The following DSE variants were observed in gnomAD, a reference collection of about 807,000 sequenced individuals.
DSE encodes the protein dermatan-sulfate epimerase.
Under a neutral mutation model 84.4 loss-of-function variants are expected in DSE, and 36 were observed. That is an observed-to-expected ratio of 0.43 (90% CI 0.33 to 0.56). The LOEUF is 0.56. Ranked by LOEUF, DSE falls within the 20% of genes least tolerant of loss-of-function variation. The pLI is 0.06. For missense variants in DSE, 862 were observed against 1,169.6 expected (o/e 0.74, Z 3.84); for synonymous variants, 410 against 430.1 (o/e 0.95, Z 0.58).
At position 116,433,636 on chromosome 6, in the gene DSE, G is replaced by T. The variant is rs938375032; in HGVS notation, c.1118+86G>T. 8 of 1,387,976 alleles carry T rather than the reference G, an allele frequency of 5.8e-6. No individual in the cohort carries two copies. In the African/African-American group the frequency reaches 1.0e-4, roughly 18 times the overall value. 86.0% of individuals were successfully genotyped at this position (1,387,976 alleles called of 1,614,324 possible). On this transcript the variant is annotated intron_variant, in intron 5 of 5. Coordinates refer to ENST00000644252, the MANE Select transcript of DSE (RefSeq NM_013352.4). ...GCACTTGTTTTTTTGCATTTAAAAA[G>T]AAAAACTAAAACACTTTTTAAATCT...
chr6:116,409,225 C>T lies in DSE; in HGVS notation c.416+9559C>T, dbSNP rs948792863. On this transcript the variant is annotated intron_variant, in intron 2 of 5. Transcript: ENST00000644252. Reference sequence around the variant, plus strand: ...GATGCCAAAGGCAATTTTCATTTATCGATAAATGTATGCACATATTCACTT... The same window carrying T: ...GATGCCAAAGGCAATTTTCATTTATTGATAAATGTATGCACATATTCACTT... 2.2e-4 allele frequency among the ~76,000 whole-genome samples: 33 copies of T among 152,156 alleles called. 1 individual carries two copies. Among genetic ancestry groups the T allele is most frequent in the African/African-American group, 7.2e-4 (30 of 41,432 alleles).
intron 1 of DSE, among the ~76,000 whole-genome samples, chr6:116,395,526 ATAGT>A (rs1781197552): frequency 6.6e-6 from 1 of 152,210 alleles, no homozygotes; most frequent in South Asian, 2.1e-4. Flanking sequence ...CTCTCAAACT[ATAGT>A]TATTCAGGTA....
intron 2 of DSE, chr6:116,279,457 A>C: frequency 6.2e-7 from 1 of 1,613,100 alleles, no homozygotes; most frequent in Non-Finnish European, 8.5e-7. Flanking sequence ...TCCACCCTGA[A>C]CGCCCTTTTT....
chr6:116,289,636 A>G (rs1338805160), intron 2 of DSE, among the ~76,000 whole-genome samples: 1 of 152,068 alleles, frequency 6.6e-6, no homozygotes, highest in Non-Finnish European at 1.5e-5. Context: ...GATAAAAAAA[A>G]TAAAAATAAT....
intron 1 of DSE, among the ~76,000 whole-genome samples, chr6:116,398,349 A>G (rs1010297449): frequency 1.3e-5 from 2 of 152,240 alleles, no homozygotes; most frequent in African/African-American, 4.8e-5. Flanking sequence ...AAAATCAAGT[A>G]GTTAAGAAAA....
At chr6:116,315,031 G>A (rs1371582147) in intron 2 of DSE, among the ~76,000 whole-genome samples, 1 of 152,156 alleles carries the variant, frequency 6.6e-6, no homozygotes, top group Non-Finnish European at 1.5e-5. Context: ...TGAAATTCTT[G>A]TAGGAGGAAG....
At chr6:116,286,543 C>CT (rs942695578) in intron 2 of DSE, among the ~76,000 whole-genome samples, 3 of 152,124 alleles carry the variant, frequency 2.0e-5, no homozygotes, top group African/African-American at 7.2e-5. Flanking sequence ...AGAGTCTTTA[C>CT]TTTCCTTAAA....
chr6:116,346,227 C>A (rs566854130), intron 2 of DSE, among the ~76,000 whole-genome samples: 1 of 152,286 alleles, frequency 6.6e-6, no homozygotes, highest in East Asian at 1.9e-4. Context: ...TGAAACTATT[C>A]CAATCAATAG....
chr6:116,349,393 C>G (rs1778184501), intron 2 of DSE, among the ~76,000 whole-genome samples: 2 of 152,194 alleles, frequency 1.3e-5, no homozygotes, highest in South Asian at 2.1e-4. Context: ...CAGGTGCTTT[C>G]AAGCTGACTC....
intron 2 of DSE, among the ~76,000 whole-genome samples, chr6:116,347,996 G>A (rs576630947): frequency 1.9e-4 from 29 of 152,318 alleles, no homozygotes; most frequent in African/African-American, 6.7e-4. Context: ...GATGTGAACA[G>A]ACACTTCTCA....
intron 2 of DSE, among the ~76,000 whole-genome samples, chr6:116,317,086 G>C (rs1055922528): frequency 2.0e-5 from 3 of 152,172 alleles, no homozygotes; most frequent in African/African-American, 7.2e-5. Flanking sequence ...GATAGAAAGA[G>C]AAGGGGAAGA....
At chr6:116,380,331 A>G (rs1444966554) in intron 1 of DSE, among the ~76,000 whole-genome samples, 2 of 152,140 alleles carry the variant, frequency 1.3e-5, no homozygotes, top group African/African-American at 4.8e-5. Context: ...GAGGAGCTAT[A>G]AAATCTGGTT....
In DSE at chr6:116,415,364, A is replaced by G. The variant is rs144332866; in HGVS notation, c.417-11210A>G. Among the ~76,000 whole-genome samples, 87 of 152,242 alleles carry G rather than the reference A, an allele frequency of 5.7e-4. No homozygotes were observed. In the East Asian group the frequency reaches 0.015, roughly 26 times the overall value. On this transcript the variant is annotated intron_variant, in intron 2 of 5. Coordinates refer to ENST00000644252, the MANE Select transcript of DSE (RefSeq NM_013352.4). ...CCTGATATTCCACTCTGAAGCATAT[A>G]GGATCTTTTTTATGTTACTAGTGTT...
intron 1 of DSE, among the ~76,000 whole-genome samples, chr6:116,380,589 G>A (rs977689554): frequency 3.3e-5 from 5 of 152,140 alleles, no homozygotes; most frequent in Admixed American, 2.6e-4. Flanking sequence ...GAACTTCAGG[G>A]AAAAGTCATG....
In DSE at chr6:116,392,352, G is replaced by A. The variant is rs560776751; in HGVS notation, c.-53-6846G>A. ...CAACATCTGTCTGTTTTCCACGGGA[G>A]AGGGTGCAACGTCAGGAACATTCAT... is the stretch of plus-strand genomic sequence containing the variant. On this transcript the variant is annotated intron_variant, in intron 1 of 5. Coordinates refer to ENST00000644252, the MANE Select transcript of DSE (RefSeq NM_013352.4). Among the ~76,000 whole-genome samples, 5 of 152,326 alleles carry A rather than the reference G, an allele frequency of 3.3e-5. No homozygotes were observed. The South Asian group carries it at 8.3e-4, about 25-fold the overall frequency.
rs1450266203 is a variant in DSE, at chr6:116,437,977, TTATC to T, written c.*636_*639del. ...TAAAATATATTTTATTAGAAAACAT[TTATC>T]TATGAATGAATATTTCCTTGATGCT... On this transcript the variant is annotated 3_prime_UTR_variant, in exon 6 of 6. Transcript: ENST00000644252. 6.6e-6 allele frequency: 1 copy of T among 152,530 alleles called. No individual in the cohort carries two copies. The highest frequency in any genetic ancestry group is 2.4e-5 in the African/African-American group (1 of 41,442). The allele number at this position is 152,530 out of a possible 1,614,324, so 9.4% of individuals were successfully genotyped here.
intron 1 of DSE, 120 bp downstream of exon 1, chr6:116,371,241 C>G (rs1311565516): frequency 6.1e-6 from 6 of 978,934 alleles, no homozygotes; most frequent in South Asian, 4.7e-5. Context: ...AGCCACGTCC[C>G]CGGCTGAGAG....
chr6:116,362,678 T>C (rs757886390), intron 2 of DSE, among the ~76,000 whole-genome samples: 3 of 152,216 alleles, frequency 2.0e-5, no homozygotes, highest in Non-Finnish European at 4.4e-5. Flanking sequence ...TATTTTGTCA[T>C]GGCATCCCAG....
chr6:116,355,014 G>T (rs2114861948), intron 2 of DSE, among the ~76,000 whole-genome samples: 1 of 152,144 alleles, frequency 6.6e-6, no homozygotes, highest in South Asian at 2.1e-4. Flanking sequence ...TTTTTACATA[G>T]ACACATACAT....
Sources: gnomAD v4.1 joint callset for allele counts (sites outside exome capture counted in the v4.1 genomes callset) on GRCh38, gnomAD v4.1.1 for gene constraint, MANE v1.5 for transcripts, NCBI Gene and HGNC (gene_info 2026-07-23, HGNC 2026-07-21) for gene names.